The following GLDN variants were observed in gnomAD, a reference collection of about 807,000 sequenced individuals.
GLDN encodes collomin.
GLDN carries 47 observed loss-of-function variants against 56.5 expected under a neutral mutation model. That is an observed-to-expected ratio of 0.83 (90% CI 0.66 to 1.06). The LOEUF is 1.06. Ranked by LOEUF, GLDN falls within the 50% of genes least tolerant of loss-of-function variation. GLDN has a pLI of 0.00. For synonymous variants in GLDN, 332 were observed against 278.8 expected (o/e 1.19, Z -1.90); for missense variants, 782 against 714.3 (o/e 1.09, Z -1.08).
intron 1 of GLDN, among the ~76,000 whole-genome samples, chr15:51,368,413 C>G (rs1882001456): frequency 6.6e-6 from 1 of 151,872 alleles, no homozygotes; most frequent in African/African-American, 2.4e-5. Flanking sequence ...CTCTGCAGAT[C>G]CCTGGCAGGA....
At chr15:51,404,225 T>C in intron 9 of GLDN, 52 bp from the exon 10 acceptor site, 1 of 1,384,080 alleles carries the variant, frequency 7.2e-7, no homozygotes, top group Non-Finnish European at 9.8e-7. Flanking sequence ...ATAAACCACC[T>C]GTCCACAGAA....
chr15:51,397,262 C>A lies in GLDN; in HGVS notation c.689-208C>A, dbSNP rs545825070. 3.9e-5 allele frequency among the ~76,000 whole-genome samples: 6 copies of A among 152,186 alleles called. No individual in the cohort carries two copies. The East Asian group carries it at 1.2e-3, about 29-fold the overall frequency. On this transcript the variant is annotated intron_variant, in intron 5 of 9. Coordinates refer to ENST00000335449, the MANE Select transcript of GLDN (RefSeq NM_181789.4). ...GGCTGTGAGGAGGCAGCTAAAGAGA[C>A]CTTAGCTGACTACTCTCTTCCCTTC...
intron 1 of GLDN, chr15:51,377,206 C>T (rs1385686397): frequency 9.2e-6 from 5 of 543,948 alleles, no homozygotes; most frequent in Non-Finnish European, 1.6e-5. Flanking sequence ...CAAGACACTA[C>T]CCCGTGACTG....
Position 51,404,819 on chromosome 15 carries a change from G to A in GLDN, c.*65G>A. ...TTCTGGGACCAGTTCTCCCCCAACA[G>A]GAAACTTGTTTTTTTAACGTCAGCC... On this transcript the variant is annotated 3_prime_UTR_variant, in exon 10 of 10. Coordinates refer to ENST00000335449, the MANE Select transcript of GLDN (RefSeq NM_181789.4). 4.9e-6 allele frequency: 4 copies of A among 814,366 alleles called. No homozygotes were observed. The highest frequency in any genetic ancestry group is 8.1e-6 in the Non-Finnish European group (4 of 495,540). 50.4% of individuals were successfully genotyped at this position (814,366 alleles called of 1,614,324 possible).
At chr15:51,354,151 C>A (rs1463524589) in intron 1 of GLDN, among the ~76,000 whole-genome samples, 2 of 152,222 alleles carry the variant, frequency 1.3e-5, no homozygotes, top group Non-Finnish European at 2.9e-5. Context: ...GCAACCCCTT[C>A]ATCTGCCACC....
At chr15:51,359,978 C>CAAAAAAAAA (rs58874237) in intron 1 of GLDN, among the ~76,000 whole-genome samples, 36 of 92,682 alleles carry the variant, frequency 3.9e-4, no homozygotes, top group African/African-American at 7.7e-4. Context: ...GACTCTGTCT[C>CAAAAAAAAA]AAAAAAAAAA....
chr15:51,404,436 C>T lies in GLDN; in HGVS notation c.1338C>T (p.Ser446=), dbSNP rs779314976. 1 of 1,614,134 alleles carries T rather than the reference C, an allele frequency of 6.2e-7. No homozygotes were observed. The highest frequency in any genetic ancestry group is 1.7e-5 in the Admixed American group (1 of 60,014). ...IIYASSVDGS[S]ILVAQLDERT... ...ATGCGTCAAGTGTGGACGGCTCGAG[C>T]ATTCTTGTAGCACAACTGGATGAGA... Residue 446 remains serine, a synonymous_variant, in exon 10 of 10, where the codon AGC becomes AGT. Transcript: ENST00000335449.
chr15:51,404,346 C>A lies in GLDN; in HGVS notation c.1248C>A (p.Tyr416Ter). Residue 416 changes from tyrosine (Y) to a stop codon, truncating the protein, a stop_gained, in exon 10 of 10, where the codon TAC becomes TAA. Coordinates refer to ENST00000335449, the MANE Select transcript of GLDN (RefSeq NM_181789.4). LOFTEE classifies it high-confidence loss of function. The part of the protein sequence containing the change: ...LENALYFDRK[Y>*]LFANSKTYFN... ...ATGCCTTGTATTTTGATCGAAAATA[C>A]CTTTTTGCAAATTCCAAAACTTACT... 1 of 1,613,456 alleles carries A rather than the reference C, an allele frequency of 6.2e-7. No homozygotes were observed. The highest frequency in any genetic ancestry group is 8.5e-7 in the Non-Finnish European group (1 of 1,179,868).
rs563269995 is a variant in GLDN at position 51,380,772 on chromosome 15, C to T, written c.416-2664C>T. Among the ~76,000 whole-genome samples the T allele has an allele frequency of 6.6e-5, 10 of 152,306 alleles. No homozygotes were observed. The South Asian group carries it at 1.0e-3, about 16-fold the overall frequency. On this transcript the variant is annotated intron_variant, in intron 2 of 9. Coordinates refer to ENST00000335449, the MANE Select transcript of GLDN (RefSeq NM_181789.4). ...CTCCCCAGGTGGGGTGTGGCCCTCC[C>T]GCTCTTCCATCCCCAATTCTAGCCT...
intron 1 of GLDN, among the ~76,000 whole-genome samples, chr15:51,357,644 T>G (rs903151045): frequency 6.6e-6 from 1 of 152,184 alleles, no homozygotes; most frequent in Admixed American, 6.5e-5. Context: ...AGCCAAGGGC[T>G]GACTAGAGGC....
In GLDN at chr15:51,382,479, C is replaced by T. The variant is rs187934130; in HGVS notation, c.416-957C>T. Among the ~76,000 whole-genome samples the T allele has an allele frequency of 2.7e-3, 411 of 151,892 alleles. 4 individuals carry two copies. The highest frequency in any genetic ancestry group is 4.6e-3 in the South Asian group (22 of 4,810). On this transcript the variant is annotated intron_variant, in intron 2 of 9. Coordinates refer to ENST00000335449, the MANE Select transcript of GLDN (RefSeq NM_181789.4). ...AATATTGGTAATCATTATATGTGGT[C>T]TAAAGAGGCGGGCAGATCACGAGTT...
intron 9 of GLDN, 140 bp from the exon 10 acceptor site, chr15:51,404,137 T>A (rs1337668933): frequency 7.3e-6 from 5 of 685,382 alleles, no homozygotes; most frequent in Non-Finnish European, 1.3e-5. Context: ...AGAGCAGGCA[T>A]TACCTGGGAG....
At chr15:51,409,726 A>G (rs541242612), downstream of GLDN, among the ~76,000 whole-genome samples, 4 of 152,334 alleles carry the variant, frequency 2.6e-5, no homozygotes, top group South Asian at 8.3e-4. Flanking sequence ...AAAGTCTAGG[A>G]AAGTGAGACC....
At chr15:51,357,790 G>A (rs1056032130) in intron 1 of GLDN, among the ~76,000 whole-genome samples, 3 of 152,278 alleles carry the variant, frequency 2.0e-5, no homozygotes, top group East Asian at 1.9e-4. Flanking sequence ...ACTTTCTTGA[G>A]GCCCTATCCT....
At chr15:51,400,135 C>G in intron 6 of GLDN, 57 bp from the exon 7 acceptor site, 2 of 1,498,704 alleles carry the variant, frequency 1.3e-6, no homozygotes, top group Non-Finnish European at 1.9e-6. Flanking sequence ...CTATAAAGTC[C>G]AACAAATCTC....
intron 1 of GLDN, among the ~76,000 whole-genome samples, chr15:51,349,843 G>A (rs970764455): frequency 4.6e-5 from 7 of 151,810 alleles, no homozygotes; most frequent in East Asian, 1.9e-4. Context: ...GAGTTCAAGC[G>A]ATTCTCCTGC....
At chr15:51,383,525 A>G in intron 3 of GLDN, 72 bp downstream of exon 3, 1 of 1,561,878 alleles carries the variant, frequency 6.4e-7, no homozygotes, top group South Asian at 1.1e-5. Flanking sequence ...CCCTGTTGGG[A>G]CAGATGCGGG....
rs76118939 is a variant in GLDN, at chr15:51,374,945, C to T, written c.364-2504C>T. Among the ~76,000 whole-genome samples the T allele has an allele frequency of 8.9e-3, 1,355 of 152,040 alleles. 27 individuals are homozygous for T. Among genetic ancestry groups the T allele is most frequent in the East Asian group, 0.085 (439 of 5,166 alleles). ...TGGAGAAAGGGTCTTACTATGTTAC[C>T]CAGGCTGGTTGGGCTGAAATCAATC... On this transcript the variant is annotated intron_variant, in intron 1 of 9. Transcript: ENST00000335449.
At chr15:51,401,203 T>C (rs141788799) in intron 8 of GLDN, among the ~76,000 whole-genome samples, 17 of 152,222 alleles carry the variant, frequency 1.1e-4, no homozygotes, top group African/African-American at 4.1e-4. Flanking sequence ...TGTTCATTAG[T>C]AGTGGCTGCT....
Sources: allele counts gnomAD v4.1 joint callset (sites outside exome capture counted in the v4.1 genomes callset), GRCh38; gene constraint gnomAD v4.1.1; transcripts MANE v1.5; gene names NCBI Gene and HGNC (gene_info 2026-07-23, HGNC 2026-07-21).